TBCD: variants seen among roughly 807,000 people sequenced by gnomAD.
The protein encoded by TBCD is tubulin folding cofactor D.
TBCD carries 105 observed loss-of-function variants against 169.3 expected under a neutral mutation model. The ratio of observed to expected loss-of-function variants is 0.62; its 90% CI spans 0.53 to 0.73. The LOEUF is 0.73. Ranked by LOEUF, TBCD falls within the 30% of genes least tolerant of loss-of-function variation. The pLI, the probability that TBCD is intolerant of heterozygous loss-of-function variation, is 0.00. For missense variants in TBCD, 1,444 were observed against 1,600.1 expected, an observed-to-expected ratio of 0.90 and a Z score of 1.66; for synonymous variants, 700 against 643.9, an observed-to-expected ratio of 1.09 and a Z score of -1.32.
chr17:82,881,902 T>TCTCTCCCCC (rs2058376798), intron 14 of TBCD, among the ~76,000 whole-genome samples: 1 of 151,726 alleles, frequency 6.6e-6, no homozygotes, highest in African/African-American at 2.4e-5. Flanking sequence ...TCTCTCTCTG[T>TCTCTCCCCC]CTCTCCCCCC....
At chr17:82,916,721 A>T (rs2061061561) in intron 23 of TBCD, among the ~76,000 whole-genome samples, 3 of 151,970 alleles carry the variant, frequency 2.0e-5, no homozygotes, top group Non-Finnish European at 2.9e-5. Flanking sequence ...TTTTATCTTT[A>T]TTTGGTTTTC....
intron 7 of TBCD, among the ~76,000 whole-genome samples, chr17:82,786,291 A>G (rs955696858): frequency 6.6e-6 from 1 of 152,188 alleles, no homozygotes; most frequent in Non-Finnish European, 1.5e-5. Flanking sequence ...CTGTGGGGGA[A>G]AAACATCTCA....
intron 35 of TBCD, chr17:82,937,629 G>A: frequency 5.0e-6 from 3 of 600,274 alleles, no homozygotes; most frequent in Non-Finnish European, 8.8e-6. Flanking sequence ...CTCCGGAAAG[G>A]AGCTGCGTGG....
chr17:82,814,933 T>C lies in TBCD; in HGVS notation c.1317T>C (p.Asp439=). 6.2e-7 allele frequency: 1 copy of C among 1,611,008 alleles called. No homozygotes were observed. The highest frequency in any genetic ancestry group is 8.5e-7 in the Non-Finnish European group (1 of 1,179,064). The part of the protein sequence containing the change: ...RGLLLPSRLV[D]VVAVILKALT... ...TGTTGCTGCCGTCTCGACTCGTGGA[T>C]GGTGAGTAGCTGAGGCACGGTCAGG... The change falls in exon 13 of 39, where the codon GAT becomes GAC. Residue 439 remains aspartate (D), a splice_region_variant and synonymous_variant. Transcript: ENST00000355528.
At chr17:82,860,005 G>T (rs2056624737) in intron 13 of TBCD, among the ~76,000 whole-genome samples, 1 of 152,214 alleles carries the variant, frequency 6.6e-6, no homozygotes, top group African/African-American at 2.4e-5. Flanking sequence ...CTCCAGCATG[G>T]CGTCCTCTGG....
intron 13 of TBCD, among the ~76,000 whole-genome samples, chr17:82,863,948 G>A (rs549022137): frequency 3.1e-4 from 47 of 152,324 alleles, no homozygotes; most frequent in African/African-American, 1.0e-3. Flanking sequence ...GCGGCAGTCC[G>A]ACGTGCAGTC....
chr17:82,860,894 C>T (rs1187553355), intron 13 of TBCD, among the ~76,000 whole-genome samples: 1 of 152,210 alleles, frequency 6.6e-6, no homozygotes, highest in Non-Finnish European at 1.5e-5. Context: ...GGCCATTGCA[C>T]CCGGCCCTGG....
chr17:82,836,660 T>G (rs535430097), intron 13 of TBCD, among the ~76,000 whole-genome samples: 1 of 151,918 alleles, frequency 6.6e-6, no homozygotes, highest in South Asian at 2.1e-4. Context: ...CGAAGCAGCA[T>G]TATTTCACAT....
chr17:82,851,583 C>T (rs1254294658), intron 13 of TBCD, among the ~76,000 whole-genome samples: 2 of 152,112 alleles, frequency 1.3e-5, no homozygotes, highest in African/African-American at 4.8e-5. Flanking sequence ...GACACGTGTA[C>T]AGAAAAGGAG....
rs941172913 is a variant in TBCD at position 82,884,660 on chromosome 17, A to T, written c.1533+458A>T. 1 of 205,652 alleles carries T rather than the reference A, an allele frequency of 4.9e-6. No individual in the cohort carries two copies. The highest frequency in any genetic ancestry group is 1.0e-4 in the East Asian group (1 of 9,594). 12.7% of individuals were successfully genotyped at this position (205,652 alleles called of 1,614,324 possible). A position where few individuals can be genotyped will look rare whatever the true frequency, so the allele number is the denominator to read the frequency against. ...GCCACACTCGCCTGGGCCTTGCTGG[A>T]TGTGGGAGCTGCCTGCAGGACCGGG... On this transcript the variant is annotated intron_variant, in intron 15 of 38. Coordinates refer to ENST00000355528, the MANE Select transcript of TBCD (RefSeq NM_005993.5). The surrounding 1 kb of genome is among the most constrained non-coding windows in gnomAD (Gnocchi z 4.2).
chr17:82,769,097 A>G (rs1598412257), intron 5 of TBCD, among the ~76,000 whole-genome samples: 1 of 152,304 alleles, frequency 6.6e-6, no homozygotes, highest in African/African-American at 2.4e-5. Context: ...TTTGACACAC[A>G]TTTATCCTCT....
rs757657860 is a variant in TBCD, at chr17:82,814,802, C to T, written c.1224-38C>T. 5.0e-6 allele frequency: 8 copies of T among 1,605,344 alleles called. No homozygotes were observed. The South Asian group carries it at 8.8e-5, about 18-fold the overall frequency. On this transcript the variant is annotated intron_variant, in intron 12 of 38. Coordinates refer to ENST00000355528, the MANE Select transcript of TBCD (RefSeq NM_005993.5). ...CTGTGGGCTTTGAACCAAAAGCTGA[C>T]ACGTGGGCTGTGGTCTCAGGATCTT... is the stretch of plus-strand genomic sequence containing the variant.
chr17:82,855,441 T>A (rs895599945), intron 13 of TBCD, among the ~76,000 whole-genome samples: 2 of 151,656 alleles, frequency 1.3e-5, no homozygotes, highest in African/African-American at 2.4e-5. Context: ...TAATTTTTTT[T>A]ATCTTTTGAA....
intron 13 of TBCD, chr17:82,839,933 T>G (rs2054321589): frequency 6.6e-6 from 1 of 152,388 alleles, no homozygotes; most frequent in Admixed American, 6.5e-5. Flanking sequence ...TTACCAGAGG[T>G]GGGCAGTGCT....
At position 82,768,403 on chromosome 17, in the gene TBCD, G is replaced by A. The variant is rs755780854; in HGVS notation, c.436-17G>A. ...TTTTCAAGCAAGACTCATTCTTCCC[G>A]TGGTTTAATTTTTTAGGCTTGGGAA... On this transcript the variant is annotated splice_polypyrimidine_tract_variant and intron_variant, in intron 4 of 38. Transcript: ENST00000355528. 6 of 1,613,498 alleles carry A rather than the reference G, an allele frequency of 3.7e-6. No homozygotes were observed. The East Asian group carries it at 6.7e-5, about 18-fold the overall frequency.
chr17:82,903,785 G>A lies in TBCD; in HGVS notation c.1804+307G>A, dbSNP rs537851717. On this transcript the variant is annotated intron_variant, in intron 19 of 38. Transcript: ENST00000355528. This position sits in a 1 kb window ranked among gnomAD's most constrained non-coding sequence, Gnocchi z 4.8. ...TCTAGGTGGCTCGCACCTGCCACAC[G>A]ACACTCCCTGGTCTCTAGGTGGCTC... is the stretch of plus-strand genomic sequence containing the variant. Among the ~76,000 whole-genome samples, 100 of 149,840 alleles carry A rather than the reference G, an allele frequency of 6.7e-4. No individual in the cohort carries two copies. The East Asian group carries it at 0.018, about 26-fold the overall frequency.
chr17:82,920,591 A>T lies in TBCD; in HGVS notation c.2074A>T (p.Met692Leu). The T allele has an allele frequency of 3.2e-6, 5 of 1,550,878 alleles. No homozygotes were observed. The highest frequency in any genetic ancestry group is 4.4e-6 in the Non-Finnish European group (5 of 1,147,754). The stretch of plus-strand genomic sequence containing the variant: ...AATAGAAAAGTTGTCACTTTCCAAA[A>T]TGCCCTTTAGAGGTGACACCGTAAT... The part of the protein sequence containing the change: ...VLIEKLSLSK[M>L]PFRGDTVIDG... Residue 692 changes from methionine to leucine, a missense_variant, in exon 24 of 39, where the codon ATG (methionine) becomes TTG (leucine). Coordinates refer to ENST00000355528, the MANE Select transcript of TBCD (RefSeq NM_005993.5). This position sits in a 1 kb window ranked among gnomAD's most constrained non-coding sequence, Gnocchi z 4.1.
chr17:82,790,705 G>C (rs1209966127), intron 7 of TBCD, among the ~76,000 whole-genome samples: 1 of 152,218 alleles, frequency 6.6e-6, no homozygotes, highest in African/African-American at 2.4e-5. Context: ...CCTTGTCCTT[G>C]TCTCTGCCCG....
chr17:82,916,778 T>C (rs1452485091), intron 23 of TBCD, among the ~76,000 whole-genome samples: 2 of 152,136 alleles, frequency 1.3e-5, no homozygotes, highest in Non-Finnish European at 2.9e-5. Flanking sequence ...TTTGTGTTTA[T>C]CTGACTTGGG....
Sources: allele counts gnomAD v4.1 joint callset (sites outside exome capture counted in the v4.1 genomes callset), GRCh38; gene constraint gnomAD v4.1.1; non-coding constraint Gnocchi (gnomAD v3.1); transcripts MANE v1.5; gene names NCBI Gene and HGNC (gene_info 2026-07-23, HGNC 2026-07-21).